Variants in ARHGAP29 observed in about 807,000 individuals in gnomAD.
ARHGAP29 encodes the protein rho GTPase-activating protein 29.
ARHGAP29 carries 43 observed loss-of-function variants against 122.6 expected under a neutral mutation model. The observed-to-expected ratio is 0.35, with a 90% confidence interval of 0.27 to 0.45. ARHGAP29 has a LOEUF of 0.45. ARHGAP29 is among the 20% of genes least tolerant of loss of function. The probability of loss-of-function intolerance (pLI) is 1.00; values close to 1 mark genes in which losing one functional copy is unlikely to be tolerated. For missense variants in ARHGAP29, 1,303 were observed against 1,477.2 expected, an observed-to-expected ratio of 0.88 and a Z score of 1.93; for synonymous variants, 506 against 497.1, an observed-to-expected ratio of 1.02 and a Z score of -0.24.
the ARHGAP29 span, among the ~76,000 whole-genome samples, chr1:94,304,162 G>A: frequency 3.9e-5 from 6 of 152,290 alleles, no homozygotes; most frequent in South Asian, 6.2e-4. Context: ...GGGGAAGAAG[G>A]TCTCACTCTG....
chr1:94,179,336 C>A (rs1372624972), intron 20 of ARHGAP29, among the ~76,000 whole-genome samples: 1 of 152,082 alleles, frequency 6.6e-6, no homozygotes, highest in Admixed American at 6.5e-5. Flanking sequence ...TGGCTCACGC[C>A]TGTAATCCCA....
At chr1:94,176,065 T>C (rs1307522072) in intron 22 of ARHGAP29, among the ~76,000 whole-genome samples, 3 of 152,172 alleles carry the variant, frequency 2.0e-5, no homozygotes, top group Non-Finnish European at 4.4e-5. Flanking sequence ...CTAAGGGACC[T>C]GGTTCCTTGC....
chr1:94,259,066 T>C (rs1161002500), intron 1 of ARHGAP29, among the ~76,000 whole-genome samples: 2 of 152,194 alleles, frequency 1.3e-5, no homozygotes, highest in Non-Finnish European at 2.9e-5. Context: ...TTCAGGTATG[T>C]AGAACACAGG....
chr1:94,188,450 A>C (rs1480955370), intron 15 of ARHGAP29, among the ~76,000 whole-genome samples: 1 of 152,128 alleles, frequency 6.6e-6, no homozygotes, highest in African/African-American at 2.4e-5. Flanking sequence ...TTAAAAAAAA[A>C]CACACATAAA....
In ARHGAP29 at chr1:94,177,460, A is replaced by C. The variant is rs1194492603; in HGVS notation, c.2905+152T>G. 5.5e-5 allele frequency: 28 copies of C among 511,292 alleles called. No homozygotes were observed. The Admixed American group carries it at 1.0e-3, about 19-fold the overall frequency. The allele number at this position is 511,292 out of a possible 1,614,324, so 31.7% of individuals were successfully genotyped here. A position where few individuals can be genotyped will look rare whatever the true frequency, so the allele number is the denominator to read the frequency against. On this transcript the variant is annotated intron_variant, in intron 22 of 22. Coordinates refer to ENST00000260526, the MANE Select transcript of ARHGAP29 (RefSeq NM_004815.4). The stretch of plus-strand genomic sequence containing the variant: ...TCATTTAAATGCAAGATACACTAAA[A>C]GGCAACTTTCTCAATGGCTAGCCAA...
At chr1:94,226,933 A>G (rs1652647119) in intron 2 of ARHGAP29, among the ~76,000 whole-genome samples, 1 of 151,972 alleles carries the variant, frequency 6.6e-6, no homozygotes, top group Non-Finnish European at 1.5e-5. Flanking sequence ...GGCACACTGT[A>G]AAGTTAAGTA....
At chr1:94,183,488 A>T (rs753645058) in intron 19 of ARHGAP29, among the ~76,000 whole-genome samples, 1 of 151,852 alleles carries the variant, frequency 6.6e-6, no homozygotes, top group East Asian at 1.9e-4. Context: ...CAGGTTTAAC[A>T]GTGAGAAAAA....
chr1:94,185,016 A>T lies in ARHGAP29; in HGVS notation c.1965T>A (p.Ile655=). The T allele has an allele frequency of 6.2e-7, 1 of 1,612,158 alleles. No individual in the cohort carries two copies. Among genetic ancestry groups the T allele is most frequent in the South Asian group, 1.1e-5 (1 of 90,432 alleles). Residue 655 remains isoleucine, a synonymous_variant, in exon 18 of 23, where the codon ATT becomes ATA. Coordinates refer to ENST00000260526, the MANE Select transcript of ARHGAP29 (RefSeq NM_004815.4). Reference sequence around the variant, plus strand: ...CTGGAAGTTTCTGATGACCACAAATAATGACTAAATTTTCCAAACACTTTC... The same window carrying T: ...CTGGAAGTTTCTGATGACCACAAATTATGACTAAATTTTCCAAACACTTTC... ...CHRKCLENLV[I]ICGHQKLPGK...
intron 15 of ARHGAP29, among the ~76,000 whole-genome samples, chr1:94,187,949 T>C (rs1483343614): frequency 1.3e-5 from 2 of 151,992 alleles, no homozygotes; most frequent in Non-Finnish European, 2.9e-5. Context: ...ATATAAGAGA[T>C]TTATCTAAAT....
At chr1:94,193,078 AGAAG>A (rs1650223111) in intron 12 of ARHGAP29, 1 of 151,844 alleles carries the variant, frequency 6.6e-6, no homozygotes, top group Admixed American at 6.5e-5. Flanking sequence ...ATGGAAAAAC[AGAAG>A]AAGTCTCAGC....
chr1:94,305,819 A>G, the ARHGAP29 span, among the ~76,000 whole-genome samples: 12 of 152,208 alleles, frequency 7.9e-5, no homozygotes, highest in African/African-American at 2.9e-4. Context: ...GTTCAAGTTT[A>G]TTTTCACTGT....
intron 7 of ARHGAP29, among the ~76,000 whole-genome samples, chr1:94,204,579 T>G (rs1651077182): frequency 6.6e-6 from 1 of 150,568 alleles, no homozygotes; most frequent in Admixed American, 6.6e-5. Context: ...TCCTGTCTTG[T>G]CTCTCTCAGC....
intron 1 of ARHGAP29, among the ~76,000 whole-genome samples, chr1:94,235,760 A>G (rs1229890486): frequency 1.3e-5 from 2 of 152,200 alleles, no homozygotes; most frequent in Non-Finnish European, 2.9e-5. Flanking sequence ...GCAAGTAGAA[A>G]ATTACCGTGC....
In ARHGAP29 at chr1:94,177,981, G is replaced by A. The variant is rs1422890864; in HGVS notation, c.2667C>T (p.Ser889=). ...TACACATAACATCTTGTGGTTGTAG[G>A]GACCCATCGAAGATCTTCTGTGAGT... ...ITYSQKIFDG[S]LQPQDVMCSI... is the part of the protein sequence containing the mutation. The change falls in exon 21 of 23, where the codon TCC becomes TCT. Residue 889 remains serine, a synonymous_variant. Coordinates refer to ENST00000260526, the MANE Select transcript of ARHGAP29 (RefSeq NM_004815.4). The A allele has an allele frequency of 1.9e-6, 3 of 1,613,974 alleles. No individual in the cohort carries two copies. The highest frequency in any genetic ancestry group is 2.5e-6 in the Non-Finnish European group (3 of 1,180,028).
intron 1 of ARHGAP29, among the ~76,000 whole-genome samples, chr1:94,244,117 T>C (rs1653703417): frequency 6.6e-6 from 1 of 151,720 alleles, no homozygotes; most frequent in South Asian, 2.1e-4. Context: ...ATACAAACTC[T>C]TGGAAAATAC....
At chr1:94,287,497 C>CTAT in the ARHGAP29 span, among the ~76,000 whole-genome samples, 429 of 150,638 alleles carry the variant, frequency 2.8e-3, 3 homozygotes, top group Middle Eastern at 6.9e-3. Context: ...ACCTCTTTTA[C>CTAT]TATTATTATT....
intron 3 of ARHGAP29, 92 bp downstream of exon 3, chr1:94,220,166 A>C: frequency 2.2e-6 from 3 of 1,358,294 alleles, no homozygotes; most frequent in Non-Finnish European, 3.1e-6. Context: ...AAATGCAATG[A>C]GAGGAATTGG....
intron 1 of ARHGAP29, among the ~76,000 whole-genome samples, chr1:94,233,581 T>G (rs949075435): frequency 6.6e-6 from 1 of 152,200 alleles, no homozygotes; most frequent in Non-Finnish European, 1.5e-5. Flanking sequence ...GAAGCTATCA[T>G]GCTCTACAAG....
intron 1 of ARHGAP29, among the ~76,000 whole-genome samples, chr1:94,259,316 TC>T (rs1654473278): frequency 1.3e-5 from 2 of 152,200 alleles, no homozygotes; most frequent in Admixed American, 1.3e-4. Context: ...ATATACCTCA[TC>T]CAACAGAGAC....
Sources: allele counts gnomAD v4.1 joint callset (sites outside exome capture counted in the v4.1 genomes callset), GRCh38; gene constraint gnomAD v4.1.1; transcripts MANE v1.5; gene names NCBI Gene and HGNC (gene_info 2026-07-23, HGNC 2026-07-21).